The following CNGA2 variants were observed in gnomAD, a reference collection of about 807,000 sequenced individuals.
CNGA2 encodes cyclic nucleotide-gated channel alpha-2.
Under a neutral mutation model 35.9 loss-of-function variants are expected in CNGA2, and 22 were observed. The ratio of observed to expected loss-of-function variants is 0.61; its 90% CI spans 0.44 to 0.88. CNGA2 has a LOEUF of 0.88. CNGA2 is among the 40% of genes least tolerant of loss of function. The pLI is 0.00. For missense variants in CNGA2, 555 were observed against 530.8 expected (o/e 1.05, Z -0.45); for synonymous variants, 217 against 209.2 (o/e 1.04, Z -0.32).
intron 4 of CNGA2, among the ~76,000 whole-genome samples, chrX:151,740,489 A>ACTGAAAGCTCTGCCCCTTGACATGCCCT (rs2015293225): frequency 8.9e-6 from 1 of 111,963 alleles, no homozygotes; most frequent in Non-Finnish European, 1.9e-5. Flanking sequence ...ACCCACCACT[A>ACTGAAAGCTCTGCCCCTTGACATGCCCT]CTGAAAGCTC....
In CNGA2 at chrX:151,744,288, C is replaced by G. The variant is rs745437546; in HGVS notation, c.1785C>G (p.Val595=). The change falls in exon 7 of 7, where the codon GTC becomes GTG. Residue 595 remains valine (V), a synonymous_variant. Transcript: ENST00000329903. The stretch of plus-strand genomic sequence containing the variant: ...ACGAAGTGGCAACCAGCATGGAGGT[C>G]GACGTGCAGGAGAAGCTAGGGCAGC... ...DENEVATSME[V]DVQEKLGQLE... The G allele has an allele frequency of 8.3e-7, 1 of 1,210,321 alleles. No individual in the cohort carries two copies.
chrX:151,737,190 G>A (rs1399983792), intron 1 of CNGA2, among the ~76,000 whole-genome samples: 2 of 111,752 alleles, frequency 1.8e-5, no homozygotes, highest in Non-Finnish European at 3.8e-5. Flanking sequence ...CATGGGCTGT[G>A]GGAAATCTGG....
Position 151,738,853 on chromosome X carries a change from A to G in CNGA2, c.177A>G (p.Pro59=). ...AGAGGCTGGCAGACGTGGATGCCCC[A>G]CAGCAGGGAAGGAGTGGCTTCCGCA... ...ELQRLADVDA[P]QQGRSGFRRI... The change falls in exon 3 of 7, where the codon CCA becomes CCG. Residue 59 remains proline, a synonymous_variant. Coordinates refer to ENST00000329903, the MANE Select transcript of CNGA2 (RefSeq NM_005140.3). The G allele has an allele frequency of 8.5e-7, 1 of 1,175,607 alleles. No homozygotes were observed. The highest frequency in any genetic ancestry group is 1.1e-6 in the Non-Finnish European group (1 of 877,029).
chrX:151,742,334 T>C (rs149438470), intron 5 of CNGA2, among the ~76,000 whole-genome samples: 2 of 111,189 alleles, frequency 1.8e-5, no homozygotes, highest in Non-Finnish European at 3.8e-5. Flanking sequence ...AGTGGTGCTG[T>C]CTATGTAGTG....
rs1330193493 is a variant in CNGA2 at position 151,738,878 on chromosome X, A to G, written c.202A>G (p.Arg68Gly). 1 of 1,163,131 alleles carries G rather than the reference A, an allele frequency of 8.6e-7. No individual in the cohort carries two copies. Among genetic ancestry groups the G allele is most frequent in the Non-Finnish European group, 1.2e-6 (1 of 869,512 alleles). ...APQQGRSGFRRIVRLVGIIRE... is the reference protein window; with the variant it reads ...APQQGRSGFRGIVRLVGIIRE... ...ACAGCAGGGAAGGAGTGGCTTCCGC[A>G]GGTGGGTCCCACCACTACCCTGCTG... Residue 68 changes from arginine to glycine, a missense_variant and splice_region_variant, in exon 3 of 7, where the codon AGG (arginine) becomes GGG (glycine). Physicochemically the swap from Arg to Gly is moderately radical, Grantham distance 125. Coordinates refer to ENST00000329903, the MANE Select transcript of CNGA2 (RefSeq NM_005140.3).
Position 151,742,639 on chromosome X carries a change from A to C in CNGA2, c.586A>C (p.Thr196Pro). The C allele has an allele frequency of 8.3e-7, 1 of 1,198,663 alleles. No individual in the cohort carries two copies. Among genetic ancestry groups the C allele is most frequent in the Non-Finnish European group, 1.1e-6 (1 of 886,423 alleles). Residue 196 changes from threonine to proline, a missense_variant, in exon 6 of 7, where the codon ACA becomes CCA. Physicochemically the swap from Thr to Pro is conservative, Grantham distance 38 (BLOSUM62 -1). Transcript: ENST00000329903. ...TGCGGACCTCTTCATCCGATTGCGC[A>C]CAGGTCAGTGAGCAACTGGGATGCA... ...YIADLFIRLRTGFLEQGLLVK... is the reference protein window; with the variant it reads ...YIADLFIRLRPGFLEQGLLVK...
At chrX:151,738,930 T>A in intron 3 of CNGA2, 51 bp downstream of exon 3, 4 of 1,014,517 alleles carry the variant, frequency 3.9e-6, no homozygotes, top group Non-Finnish European at 5.4e-6. Flanking sequence ...ATGGAGCCTG[T>A]CAGGGTGGCT....
At chrX:151,739,784 A>G in intron 4 of CNGA2, 52 bp downstream of exon 4, 2 of 1,159,103 alleles carry the variant, frequency 1.7e-6, no homozygotes, top group Non-Finnish European at 2.3e-6. Flanking sequence ...ATGCAATGGA[A>G]GAGCTCACTG....
intron 1 of CNGA2, among the ~76,000 whole-genome samples, chrX:151,737,297 G>C (rs920399351): frequency 1.9e-4 from 21 of 112,317 alleles, no homozygotes; most frequent in African/African-American, 6.8e-4. Flanking sequence ...TCTGTGGCAA[G>C]AGACACTGTG....
intron 1 of CNGA2, among the ~76,000 whole-genome samples, chrX:151,737,437 C>T (rs140172336): frequency 2.7e-3 from 298 of 112,026 alleles, no homozygotes; most frequent in African/African-American, 9.3e-3. Flanking sequence ...GCCCCAGACC[C>T]TCACTCTGTC....
rs200284228 is a variant in CNGA2, at chrX:151,744,526, A to C, written c.*28A>C. 6 of 944,194 alleles carry C rather than the reference A, an allele frequency of 6.4e-6. No homozygotes were observed. The South Asian group carries it at 6.7e-5, about 11-fold the overall frequency. The allele number at this position is 944,194 out of a possible 1,213,427, so 77.8% of individuals were successfully genotyped here. A position where few individuals can be genotyped will look rare whatever the true frequency, so the allele number is the denominator to read the frequency against. ...CCTGGGGCCCAACTGCCTCTCCAGC[A>C]TTGGCCTTGGCCTTGATCCCAGAAG... On this transcript the variant is annotated 3_prime_UTR_variant, in exon 7 of 7. Coordinates refer to ENST00000329903, the MANE Select transcript of CNGA2 (RefSeq NM_005140.3).
intron 1 of CNGA2, among the ~76,000 whole-genome samples, chrX:151,736,702 A>G (rs886877514): frequency 1.8e-5 from 2 of 110,829 alleles, no homozygotes; most frequent in Non-Finnish European, 3.8e-5. Flanking sequence ...AGTCAGGCTC[A>G]GGGACGGGTC....
In CNGA2 at chrX:151,743,237, T is replaced by A. The variant is rs767825547; in HGVS notation, c.734T>A (p.Val245Glu). The A allele has an allele frequency of 4.2e-6, 5 of 1,201,869 alleles. No homozygotes were observed. Among genetic ancestry groups the A allele is most frequent in the Non-Finnish European group, 5.6e-6 (5 of 893,404 alleles). ...YFAVDIHSPE[V>E]RFNRLLHFAR... ...GCTGTGGACATCCACAGCCCTGAGG[T>A]GCGCTTCAACCGCCTGCTGCACTTT... The change falls in exon 7 of 7, where the codon GTG (valine) becomes GAG (glutamate). Residue 245 changes from valine to glutamate, a missense_variant. Coordinates refer to ENST00000329903, the MANE Select transcript of CNGA2 (RefSeq NM_005140.3).
intron 4 of CNGA2, 98 bp downstream of exon 4, chrX:151,739,830 C>T (rs772513590): frequency 1.1e-6 from 1 of 937,730 alleles, no homozygotes; most frequent in African/African-American, 2.0e-5. Flanking sequence ...TATGACAAGC[C>T]CTGCTGTAGT....
intron 6 of CNGA2, 72 bp downstream of exon 6, chrX:151,742,714 G>A (rs1040041606): frequency 2.5e-6 from 2 of 793,037 alleles, no homozygotes; most frequent in Middle Eastern, 3.0e-4. Context: ...CACTGGACAT[G>A]GTGTTGGACT....
chrX:151,738,579 C>A lies in CNGA2; in HGVS notation c.96C>A (p.His32Gln), dbSNP rs1366910521. The A allele has an allele frequency of 6.6e-6, 8 of 1,206,859 alleles. No individual in the cohort carries two copies. Among genetic ancestry groups the A allele is most frequent in the Non-Finnish European group, 7.9e-6 (7 of 891,097 alleles). ...PAIKANGKDD[H>Q]RTSSRPHSAA... is the part of the protein sequence containing the mutation. The stretch of plus-strand genomic sequence containing the variant: ...TCAAGGCCAATGGCAAAGATGACCA[C>A]AGGACAAGCAGCAGGTGAGTCTGCA... The change falls in exon 2 of 7, where the codon CAC (histidine) becomes CAA (glutamine). Residue 32 changes from histidine (H) to glutamine (Q), a missense_variant. Coordinates refer to ENST00000329903, the MANE Select transcript of CNGA2 (RefSeq NM_005140.3).
At chrX:151,742,918 A>G (rs2015320234) in intron 6 of CNGA2, among the ~76,000 whole-genome samples, 175 bp from the exon 7 acceptor site, 1 of 84,796 alleles carries the variant, frequency 1.2e-5, no homozygotes, top group Non-Finnish European at 2.2e-5. Flanking sequence ...ATTAGCCTAT[A>G]GGGAAGGATA....
chrX:151,742,925 G>GATATATATATATATAT (rs34829464), intron 6 of CNGA2, among the ~76,000 whole-genome samples, 168 bp from the exon 7 acceptor site: 2 of 61,442 alleles, frequency 3.3e-5, no homozygotes, highest in South Asian at 8.6e-4. Context: ...TATAGGGAAG[G>GATATATATATATATAT]ATATATATAT....
intron 4 of CNGA2, 34 bp from the exon 5 acceptor site, chrX:151,740,760 G>A: frequency 8.9e-7 from 1 of 1,126,977 alleles, no homozygotes; most frequent in Non-Finnish European, 1.2e-6. Context: ...TGGGGGACCT[G>A]ATCCCCAAAC....
Sources: allele counts gnomAD v4.1 joint callset (sites outside exome capture counted in the v4.1 genomes callset), GRCh38; gene constraint gnomAD v4.1.1; transcripts MANE v1.5; gene names NCBI Gene and HGNC (gene_info 2026-07-23, HGNC 2026-07-21).